The following CNTN6 variants were observed in gnomAD, a reference collection of about 807,000 sequenced individuals.
CNTN6 encodes contactin 6.
A neutral mutation model predicts 122.8 loss-of-function variants in CNTN6; 137 were observed. That is an observed-to-expected ratio of 1.12 (90% CI 0.97 to 1.29). CNTN6 has a LOEUF of 1.29. CNTN6 is among the 50% of genes most tolerant of loss of function. The pLI is 0.00. For missense variants in CNTN6, 1,634 were observed against 1,223.4 expected, an observed-to-expected ratio of 1.34 and a Z score of -5.01; for synonymous variants, 570 against 426.0, an observed-to-expected ratio of 1.34 and a Z score of -4.16.
intron 7 of CNTN6, among the ~76,000 whole-genome samples, chr3:1,309,092 A>C (rs1390682371): frequency 6.6e-6 from 1 of 152,048 alleles, no homozygotes; most frequent in Non-Finnish European, 1.5e-5. Context: ...TTGTCTTTGC[A>C]TTTCCTTAAC....
chr3:1,209,823 C>T (rs182999927), intron 2 of CNTN6, among the ~76,000 whole-genome samples: 1 of 152,018 alleles, frequency 6.6e-6, no homozygotes, highest in Non-Finnish European at 1.5e-5. Flanking sequence ...TTTCTTTATT[C>T]CTCTATTTTG....
At chr3:1,295,916 T>G (rs1440232016) in intron 6 of CNTN6, 112 bp downstream of exon 6, 3 of 867,576 alleles carry the variant, frequency 3.5e-6, no homozygotes, top group East Asian at 5.2e-5. Flanking sequence ...ATTACGAGTT[T>G]AGGTTCAATT....
intron 20 of CNTN6, among the ~76,000 whole-genome samples, chr3:1,393,760 GGT>G (rs1694592118): frequency 1.3e-5 from 2 of 151,926 alleles, no homozygotes; most frequent in African/African-American, 4.8e-5. Context: ...ACCAGTTTAA[GGT>G]GGATTGAAAC....
Position 1,327,557 on chromosome 3 carries a change from T to C in CNTN6, c.1184T>C (p.Ile395Thr), listed in dbSNP as rs185613504. 521 of 1,610,424 alleles carry C rather than the reference T, an allele frequency of 3.2e-4. No individual in the cohort carries two copies. The highest frequency in any genetic ancestry group is 3.9e-4 in the Non-Finnish European group (463 of 1,177,954). Reference sequence around the variant, plus strand: ...GCTGCAGAAAACAAATATCAGATAATTTATGCAAATGCTGAATTGAGAGTT... The same window carrying C: ...GCTGCAGAAAACAAATATCAGATAACTTATGCAAATGCTGAATTGAGAGTT... ...QCAAENKYQI[I>T]YANAELRVLA... Residue 395 changes from isoleucine (I) to threonine (T), a missense_variant, in exon 10 of 23, where the codon ATT becomes ACT. Ile to Thr is a moderately conservative substitution (Grantham distance 89). Coordinates refer to ENST00000446702, the MANE Select transcript of CNTN6 (RefSeq NM_001289080.2).
At chr3:1,303,091 A>G (rs978975998) in intron 7 of CNTN6, among the ~76,000 whole-genome samples, 2 of 151,860 alleles carry the variant, frequency 1.3e-5, no homozygotes, top group Non-Finnish European at 2.9e-5. Context: ...TATTTCCAGC[A>G]TTTCCTTTTG....
At chr3:1,127,284 T>A (rs59994523) in intron 1 of CNTN6, among the ~76,000 whole-genome samples, 65,048 of 151,594 alleles carry the variant, frequency 0.43, 14,157 homozygotes, top group East Asian at 0.48. Flanking sequence ...ATTTGGAAAC[T>A]CAACTTTATA....
Position 1,351,131 on chromosome 3 carries a change from T to C in CNTN6, c.1365-1193T>C, listed in dbSNP as rs115790980. On this transcript the variant is annotated intron_variant, in intron 11 of 22. Transcript: ENST00000446702. The stretch of plus-strand genomic sequence containing the variant: ...CACTCACTGATAACAGAATTTGGAA[T>C]CTGTTATTAATAATAAATCCAACGT... 4.4e-3 allele frequency among the ~76,000 whole-genome samples: 662 copies of C among 152,060 alleles called. 6 individuals carry two copies. The highest frequency in any genetic ancestry group is 0.015 in the African/African-American group (624 of 41,538).
chr3:1,328,475 C>T (rs1018013780), intron 10 of CNTN6, among the ~76,000 whole-genome samples: 2 of 151,742 alleles, frequency 1.3e-5, no homozygotes, highest in Admixed American at 6.6e-5. Flanking sequence ...TTCTTTCTAT[C>T]GCTACTGTTT....
At chr3:1,244,728 G>A (rs566111107) in intron 4 of CNTN6, among the ~76,000 whole-genome samples, 37 of 152,212 alleles carry the variant, frequency 2.4e-4, no homozygotes, top group African/African-American at 3.4e-4. Flanking sequence ...GAGAGTCAGC[G>A]AAGGGAGATA....
intron 5 of CNTN6, among the ~76,000 whole-genome samples, chr3:1,280,540 C>G (rs1418148281): frequency 7.5e-6 from 1 of 133,494 alleles, no homozygotes; most frequent in Non-Finnish European, 1.5e-5. Context: ...TCTTGGCTCA[C>G]TGCAACCTCT....
intron 17 of CNTN6, among the ~76,000 whole-genome samples, chr3:1,379,914 C>A (rs888823442): frequency 1.3e-5 from 2 of 152,032 alleles, no homozygotes; most frequent in African/African-American, 4.8e-5. Context: ...GGTAGTAATT[C>A]CTTCAATTTA....
chr3:1,379,756 C>T (rs914343297), intron 17 of CNTN6, among the ~76,000 whole-genome samples: 18 of 151,950 alleles, frequency 1.2e-4, no homozygotes, highest in African/African-American at 4.1e-4. Context: ...TTAGTGAAAT[C>T]GGTTTCCCAT....
intron 8 of CNTN6, 69 bp from the exon 9 acceptor site, chr3:1,325,746 T>C (rs1701443899): frequency 2.6e-6 from 4 of 1,547,006 alleles, no homozygotes; most frequent in East Asian, 4.5e-5. Context: ...TCTACAGCCC[T>C]TGTAATGTAG....
chr3:1,357,963 C>T (rs1352580905), intron 12 of CNTN6, among the ~76,000 whole-genome samples: 1 of 151,742 alleles, frequency 6.6e-6, no homozygotes, highest in African/African-American at 2.4e-5. Context: ...CCAAAACACA[C>T]AAGATATAGA....
intron 2 of CNTN6, among the ~76,000 whole-genome samples, chr3:1,189,298 G>A (rs2093669097): frequency 6.6e-6 from 1 of 152,120 alleles, no homozygotes; most frequent in South Asian, 2.1e-4. Flanking sequence ...ATAAGAGGTG[G>A]TGCCTTGTAA....
At chr3:1,221,960 A>G (rs913459565) in intron 3 of CNTN6, among the ~76,000 whole-genome samples, 2 of 152,226 alleles carry the variant, frequency 1.3e-5, no homozygotes, top group African/African-American at 2.4e-5. Flanking sequence ...CTTGATGTGC[A>G]TAGTTATTTA....
At chr3:1,253,541 G>C (rs547733479) in intron 4 of CNTN6, among the ~76,000 whole-genome samples, 1 of 152,144 alleles carries the variant, frequency 6.6e-6, no homozygotes, top group South Asian at 2.1e-4. Context: ...GTTTTCAACT[G>C]ATTTGACTTC....
At position 1,321,821 on chromosome 3, in the gene CNTN6, A is replaced by C; in HGVS notation, c.933A>C (p.Gln311His). 6.2e-7 allele frequency: 1 copy of C among 1,603,306 alleles called. No homozygotes were observed. Among genetic ancestry groups the C allele is most frequent in the Non-Finnish European group, 8.5e-7 (1 of 1,175,282 alleles). ...GAGGAAGAAACCTTGCAAAGGGTCA[A>C]CTCATTTTTTATGGTGAGCTAATTG... Reference protein sequence around the residue: ...NLRGRNLAKGQLIFYAPPEWE... With the variant: ...NLRGRNLAKGHLIFYAPPEWE... The change falls in exon 8 of 23, where the codon CAA becomes CAC. Residue 311 changes from glutamine to histidine, a missense_variant. Gln to His is a conservative substitution (Grantham distance 24, BLOSUM62 0). Coordinates refer to ENST00000446702, the MANE Select transcript of CNTN6 (RefSeq NM_001289080.2).
intron 3 of CNTN6, among the ~76,000 whole-genome samples, chr3:1,222,564 T>C (rs1386340823): frequency 8.7e-6 from 1 of 115,106 alleles, no homozygotes; most frequent in Non-Finnish European, 1.7e-5. Flanking sequence ...TAGTTTTATC[T>C]GTGAAAAAAT....
Sources: gnomAD v4.1 joint callset for allele counts (sites outside exome capture counted in the v4.1 genomes callset) on GRCh38, gnomAD v4.1.1 for gene constraint, MANE v1.5 for transcripts, NCBI Gene and HGNC (gene_info 2026-07-23, HGNC 2026-07-21) for gene names.